STK24: variants seen among roughly 807,000 people sequenced by gnomAD.
The protein encoded by STK24 is serine/threonine kinase 24.
Under a neutral mutation model 55.6 loss-of-function variants are expected in STK24, and 21 were observed. The ratio of observed to expected loss-of-function variants is 0.38; its 90% CI spans 0.27 to 0.54. STK24 has a LOEUF of 0.54. Among genes scored for constraint, STK24 ranks in the 20% least tolerant of loss-of-function variants. The pLI is 0.79. For missense variants in STK24, 383 were observed against 538.4 expected (o/e 0.71, Z 2.86); for synonymous variants, 200 against 215.2 (o/e 0.93, Z 0.62).
At chr13:98,544,091 T>C (rs1040534329) in intron 1 of STK24, among the ~76,000 whole-genome samples, 1 of 152,096 alleles carries the variant, frequency 6.6e-6, no homozygotes, top group Non-Finnish European at 1.5e-5. Context: ...TGGCCCACGC[T>C]GAAGTTAATA....
rs8481 is a variant in STK24 at position 98,453,141 on chromosome 13, G to T, written c.*32C>A. On this transcript the variant is annotated 3_prime_UTR_variant, in exon 11 of 11. Transcript: ENST00000539966. ...AGGAGGAGGATGAAGAAGGAAAAAAGGAAAAACAAAACCCCAAATGCCAAA... is the reference window on the plus strand; with the variant it reads ...AGGAGGAGGATGAAGAAGGAAAAAATGAAAAACAAAACCCCAAATGCCAAA... 1 of 1,610,426 alleles carries T rather than the reference G, an allele frequency of 6.2e-7. No homozygotes were observed. The highest frequency in any genetic ancestry group is 1.3e-5 in the African/African-American group (1 of 74,704).
intron 2 of STK24, among the ~76,000 whole-genome samples, chr13:98,489,964 C>A (rs1315398517): frequency 6.6e-6 from 1 of 152,148 alleles, no homozygotes; most frequent in African/African-American, 2.4e-5. Flanking sequence ...AGCAGAAGGT[C>A]AGGGAAAGGC....
chr13:98,520,268 T>C (rs1232414372), intron 1 of STK24, among the ~76,000 whole-genome samples: 1 of 152,144 alleles, frequency 6.6e-6, no homozygotes, highest in Non-Finnish European at 1.5e-5. Flanking sequence ...TCCCGATGTT[T>C]AGCAAGGCAA....
In STK24 at chr13:98,474,807, C is replaced by T. The variant is rs1894301678; in HGVS notation, c.597+14G>A. On this transcript the variant is annotated intron_variant, in intron 5 of 10. Transcript: ENST00000539966. ...GCCTCGTGAGGCACGGCGCCGCCCTCACCCTCCCCTCACCTTCGAGTCATA... is the reference window on the plus strand; with the variant it reads ...GCCTCGTGAGGCACGGCGCCGCCCTTACCCTCCCCTCACCTTCGAGTCATA... 6.2e-7 allele frequency: 1 copy of T among 1,603,044 alleles called. No homozygotes were observed. Among genetic ancestry groups the T allele is most frequent in the African/African-American group, 1.3e-5 (1 of 74,566 alleles).
chr13:98,483,492 C>T (rs1389185228), intron 2 of STK24, among the ~76,000 whole-genome samples: 1 of 152,164 alleles, frequency 6.6e-6, no homozygotes, highest in Non-Finnish European at 1.5e-5. Context: ...CCCCTCAGTT[C>T]GCCCCTGACT....
chr13:98,535,366 AAAAAATATATAT>A (rs1896693576), intron 1 of STK24, among the ~76,000 whole-genome samples: 1 of 39,376 alleles, frequency 2.5e-5, no homozygotes, highest in African/African-American at 6.7e-5. Flanking sequence ...ACAAACAAAA[AAAAAATATATAT>A]ATATATATAT....
At chr13:98,470,346 G>A (rs1894096149) in intron 5 of STK24, among the ~76,000 whole-genome samples, 1 of 152,170 alleles carries the variant, frequency 6.6e-6, no homozygotes, top group African/African-American at 2.4e-5. Flanking sequence ...GCCCAGGTTG[G>A]TCTTGAACTC....
chr13:98,541,954 A>G (rs765323556), intron 1 of STK24, among the ~76,000 whole-genome samples: 2 of 152,236 alleles, frequency 1.3e-5, no homozygotes, highest in Non-Finnish European at 2.9e-5. Flanking sequence ...AGAAAATAAA[A>G]TCGTGCATTT....
chr13:98,563,430 T>C (rs898756458), intron 1 of STK24, among the ~76,000 whole-genome samples: 2 of 152,200 alleles, frequency 1.3e-5, no homozygotes, highest in African/African-American at 2.4e-5. Context: ...ACAAGTTGTT[T>C]TAGAAAGACT....
At chr13:98,496,092 T>C (rs1668492715) in intron 2 of STK24, among the ~76,000 whole-genome samples, 1 of 152,156 alleles carries the variant, frequency 6.6e-6, no homozygotes, top group South Asian at 2.1e-4. Flanking sequence ...CCTACACTCA[T>C]GCGGGAGGGG....
chr13:98,561,900 C>G (rs1293951118), intron 1 of STK24, among the ~76,000 whole-genome samples: 2 of 150,298 alleles, frequency 1.3e-5, no homozygotes, highest in African/African-American at 4.9e-5. Flanking sequence ...TCGCTTGAAC[C>G]CGGGAGGTGG....
chr13:98,519,190 G>T, intron 2 of STK24, 53 bp downstream of exon 2: 1 of 1,448,384 alleles, frequency 6.9e-7, no homozygotes, highest in Non-Finnish European at 9.7e-7. Context: ...ATTCCCTGCT[G>T]GCACCTCAGC....
chr13:98,566,305 TG>T (rs1258286754), intron 1 of STK24, among the ~76,000 whole-genome samples: 1 of 152,224 alleles, frequency 6.6e-6, no homozygotes, highest in East Asian at 1.9e-4. Context: ...TGAACTCAGC[TG>T]TTTCATGGAG....
chr13:98,522,159 G>C, intron 1 of STK24: 1 of 963,590 alleles, frequency 1.0e-6, no homozygotes. Context: ...CCCTCCTCTG[G>C]GTAACTTTCC....
At position 98,565,119 on chromosome 13, in the gene STK24, A is replaced by G. The variant is rs1394930333; in HGVS notation, c.42+11626T>C. On this transcript the variant is annotated intron_variant, in intron 1 of 10. Coordinates refer to ENST00000539966, the MANE Select transcript of STK24 (RefSeq NM_001032296.4). ...AATGGGCAAGGCTACTGTGTGCTTC[A>G]CTAGAGTGGGGAGCAATGAGGATTC... Among the ~76,000 whole-genome samples, 3 of 152,294 alleles carry G rather than the reference A, an allele frequency of 2.0e-5. No individual in the cohort carries two copies. The East Asian group carries it at 5.8e-4, about 29-fold the overall frequency.
At chr13:98,537,703 TG>T (rs2139413953) in intron 1 of STK24, among the ~76,000 whole-genome samples, 1 of 152,282 alleles carries the variant, frequency 6.6e-6, no homozygotes, top group African/African-American at 2.4e-5. Context: ...AGTCTTCACC[TG>T]GGTTCCTTTC....
In STK24 at chr13:98,445,859, G is replaced by GTCTGTCTT; in HGVS notation, c.*7313_*7314insAAGACAGA. 2.0e-6 allele frequency: 1 copy of GTCTGTCTT among 494,174 alleles called. No individual in the cohort carries two copies. The highest frequency in any genetic ancestry group is 3.6e-6 in the Non-Finnish European group (1 of 274,720). The allele number at this position is 494,174 out of a possible 1,614,324, so 30.6% of individuals were successfully genotyped here. A position where few individuals can be genotyped will look rare whatever the true frequency, so the allele number is the denominator to read the frequency against. On this transcript the variant is annotated 3_prime_UTR_variant, in exon 11 of 11. Transcript: ENST00000539966. The stretch of plus-strand genomic sequence containing the variant: ...GTACTGGTAGTCAGGACCTCAACGT[G>GTCTGTCTT]TCTTTTGGGGGGACACAGGGACCCC...
intron 5 of STK24, among the ~76,000 whole-genome samples, chr13:98,471,515 C>T (rs556915905): frequency 4.6e-5 from 7 of 152,284 alleles, no homozygotes; most frequent in Middle Eastern, 3.4e-3. Flanking sequence ...TCAAACAAAC[C>T]AAACTTCCCC....
At chr13:98,470,377 C>T (rs1305917697) in intron 5 of STK24, among the ~76,000 whole-genome samples, 4 of 152,286 alleles carry the variant, frequency 2.6e-5, no homozygotes, top group Middle Eastern at 3.4e-3. Flanking sequence ...GCTGTCCTCC[C>T]GCCAGGGACT....
Sources: gnomAD v4.1 joint callset for allele counts (sites outside exome capture counted in the v4.1 genomes callset) on GRCh38, gnomAD v4.1.1 for gene constraint, MANE v1.5 for transcripts, NCBI Gene and HGNC (gene_info 2026-07-23, HGNC 2026-07-21) for gene names.